Variants in STXBP2 observed in about 807,000 individuals in gnomAD.
STXBP2 encodes the protein syntaxin binding protein 2, also known as syntaxin-binding protein 2.
STXBP2 carries 47 observed loss-of-function variants against 72.2 expected under a neutral mutation model. That is an observed-to-expected ratio of 0.65 (90% CI 0.51 to 0.83). The LOEUF (loss-of-function observed/expected upper bound fraction) is 0.83. STXBP2 is among the 40% of genes least tolerant of loss of function. The pLI is 0.00. For synonymous variants in STXBP2, 367 were observed against 338.7 expected (o/e 1.08, Z -0.92); for missense variants, 702 against 807.6 (o/e 0.87, Z 1.58).
intron 13 of STXBP2, among the ~76,000 whole-genome samples, chr19:7,643,721 A>G (rs1398176802): frequency 1.4e-5 from 2 of 144,610 alleles, no homozygotes; most frequent in African/African-American, 2.6e-5. Context: ...GAGAGGTGGG[A>G]CCTGGGTGAG....
At chr19:7,631,360 T>C in the STXBP2 span, 1 of 1,283,888 alleles carries the variant, frequency 7.8e-7, no homozygotes, top group Non-Finnish European at 1.0e-6. Context: ...CACTGAACCC[T>C]GAAGCCGTGG....
At chr19:7,633,451 C>T (rs1326121013), upstream of STXBP2, 2 of 1,576,486 alleles carry the variant, frequency 1.3e-6, no homozygotes, top group Non-Finnish European at 1.7e-6. Flanking sequence ...TCCTCCTGAT[C>T]CATCATGTCC....
the STXBP2 span, chr19:7,629,841 T>G: frequency 6.5e-7 from 1 of 1,535,576 alleles, no homozygotes. Context: ...GAGATGGGGG[T>G]GAAGCTGGAG....
chr19:7,632,562 G>A (rs529066602), upstream of STXBP2: 176 of 1,606,322 alleles, frequency 1.1e-4, no homozygotes, highest in Non-Finnish European at 1.4e-4. The surrounding 1 kb of genome is among the most constrained non-coding windows in gnomAD (Gnocchi z 5.2). Flanking sequence ...CCGGAGTGGG[G>A]GCCCCCAACC....
At chr19:7,644,405 G>C in intron 13 of STXBP2, 1 of 619,866 alleles carries the variant, frequency 1.6e-6, no homozygotes, top group Non-Finnish European at 2.8e-6. Context: ...AGGTGGGTGG[G>C]GCACTGGAAA....
upstream of STXBP2, among the ~76,000 whole-genome samples, chr19:7,634,131 G>A (rs982146451): frequency 6.6e-6 from 1 of 152,210 alleles, no homozygotes; most frequent in African/African-American, 2.4e-5. Context: ...ATGCCAGGTT[G>A]AGCTATCTCC....
At position 7,640,829 on chromosome 19, in the gene STXBP2, G is replaced by A. The variant is rs1435028738; in HGVS notation, c.325+20G>A. ...CCGACAGTGAGTGAGGAGAGCCTAG[G>A]GTGTTGGTGGGTGGGGCAAGGAGGT... On this transcript the variant is annotated intron_variant, in intron 5 of 18. Transcript: ENST00000221283. The A allele has an allele frequency of 1.2e-6, 2 of 1,613,924 alleles. No individual in the cohort carries two copies. Among genetic ancestry groups the A allele is most frequent in the Non-Finnish European group, 1.7e-6 (2 of 1,179,908 alleles).
chr19:7,632,473 C>T, upstream of STXBP2: 1 of 1,613,848 alleles, frequency 6.2e-7, no homozygotes, highest in African/African-American at 1.3e-5. The surrounding 1 kb of genome is among the most constrained non-coding windows in gnomAD (Gnocchi z 5.2). Flanking sequence ...TGGGTACTGG[C>T]CAGCATGTCC....
Position 7,645,382 on chromosome 19 carries a change from C to T in STXBP2, c.1356+76C>T, listed in dbSNP as rs528896711. Reference sequence around the variant, plus strand: ...GCCGGGGCTCTGCAAGGCAGAGGGCCATTGGTGCACAGGCACGGTGTGGTT... The same window carrying T: ...GCCGGGGCTCTGCAAGGCAGAGGGCTATTGGTGCACAGGCACGGTGTGGTT... On this transcript the variant is annotated intron_variant, in intron 15 of 18. Coordinates refer to ENST00000221283, the MANE Select transcript of STXBP2 (RefSeq NM_006949.4). 3.7e-5 allele frequency: 51 copies of T among 1,387,720 alleles called. 1 individual carries two copies. Among genetic ancestry groups the T allele is most frequent in the East Asian group, 3.0e-4 (12 of 40,050 alleles). The allele number at this position is 1,387,720 out of a possible 1,614,324, so 86.0% of individuals were successfully genotyped here.
upstream of STXBP2, chr19:7,632,963 G>A (rs1268250292): frequency 1.4e-5 from 21 of 1,469,892 alleles, no homozygotes; most frequent in East Asian, 2.5e-5. The surrounding 1 kb of genome is among the most constrained non-coding windows in gnomAD (Gnocchi z 5.2). Context: ...CATGGTCCCC[G>A]CCGATCCTCT....
upstream of STXBP2, among the ~76,000 whole-genome samples, chr19:7,635,858 C>G (rs1281795941): frequency 3.3e-5 from 5 of 152,218 alleles, no homozygotes; most frequent in Admixed American, 6.5e-5. Context: ...GTCCTGCATC[C>G]TGGCACTGGG....
At chr19:7,630,234 C>T in the STXBP2 span, 1 of 450,138 alleles carries the variant, frequency 2.2e-6, no homozygotes, top group Non-Finnish European at 4.0e-6. Context: ...AAGAGTGACG[C>T]CTCCTGGGTT....
At position 7,643,374 on chromosome 19, in the gene STXBP2, G is replaced by T. The variant is rs1274074417; in HGVS notation, c.1107+129G>T. ...CTTGTGGAGAGGTGGAGGGGCCTTG[G>T]AGAGAGGTGGGACCTGGTGGGGAAG... On this transcript the variant is annotated intron_variant, in intron 13 of 18. Coordinates refer to ENST00000221283, the MANE Select transcript of STXBP2 (RefSeq NM_006949.4). 3.9e-6 allele frequency: 4 copies of T among 1,012,688 alleles called. No homozygotes were observed. In the Admixed American group the frequency reaches 8.1e-5, roughly 21 times the overall value. 62.7% of individuals were successfully genotyped at this position (1,012,688 alleles called of 1,614,324 possible). A position where few individuals can be genotyped will look rare whatever the true frequency, so the allele number is the denominator to read the frequency against.
intron 1 of STXBP2, among the ~76,000 whole-genome samples, chr19:7,638,367 C>CGAGGCAGG (rs2031648355): frequency 1.3e-5 from 2 of 152,158 alleles, no homozygotes; most frequent in African/African-American, 4.8e-5. Context: ...TTTGGGAGGC[C>CGAGGCAGG]GAGGCAGGAG....
In STXBP2 at chr19:7,640,026, A is replaced by ATG. The variant is rs1425814069; in HGVS notation, c.246+226_246+227dup. On this transcript the variant is annotated intron_variant, in intron 4 of 18. Coordinates refer to ENST00000221283, the MANE Select transcript of STXBP2 (RefSeq NM_006949.4). ...TATGTATGTGTCTGTGTGCATGTGC[A>ATG]TGTGTGTGCGTCTGTGTGTGCATTT... is the stretch of plus-strand genomic sequence containing the variant. 3 of 654,808 alleles carry ATG rather than the reference A, an allele frequency of 4.6e-6. No homozygotes were observed. The African/African-American group carries it at 5.8e-5, about 13-fold the overall frequency. The allele number at this position is 654,808 out of a possible 1,614,324, so 40.6% of individuals were successfully genotyped here.
intron 3 of STXBP2, 52 bp from the exon 4 acceptor site, chr19:7,639,679 G>A (rs775159508): frequency 7.1e-6 from 11 of 1,548,960 alleles, no homozygotes; most frequent in Admixed American, 3.5e-5. Flanking sequence ...GACTCCCCAC[G>A]TGGCCCTGCC....
At position 7,643,261 on chromosome 19, in the gene STXBP2, CG is replaced by C. The variant is rs769870210; in HGVS notation, c.1107+22del. The C allele has an allele frequency of 6.5e-7, 1 of 1,536,522 alleles. No homozygotes were observed. Among genetic ancestry groups the C allele is most frequent in the Non-Finnish European group, 8.8e-7 (1 of 1,130,718 alleles). ...TGTGGAGCAGGTGGGGCAGGGCTTG[CG>C]GGGGGCAGGGGTGATGGTCCTGCCA... On this transcript the variant is annotated intron_variant, in intron 13 of 18. Coordinates refer to ENST00000221283, the MANE Select transcript of STXBP2 (RefSeq NM_006949.4).
chr19:7,645,146 C>A, intron 14 of STXBP2, 51 bp from the exon 15 acceptor site: 1 of 1,539,308 alleles, frequency 6.5e-7, no homozygotes, highest in African/African-American at 1.4e-5. Flanking sequence ...TCCCCTAAAC[C>A]TGGGAGCTCA....
At chr19:7,630,546 C>T in the STXBP2 span, 6 of 1,509,324 alleles carry the variant, frequency 4.0e-6, no homozygotes, top group Admixed American at 2.0e-5. Context: ...GGGGGGAGCT[C>T]ACCTCACCCA....
Sources: gnomAD v4.1 joint callset for allele counts (sites outside exome capture counted in the v4.1 genomes callset) on GRCh38, gnomAD v4.1.1 for gene constraint, Gnocchi (gnomAD v3.1) non-coding constraint, MANE v1.5 for transcripts, NCBI Gene and HGNC (gene_info 2026-07-23, HGNC 2026-07-21) for gene names.